CHCHD3: variants seen among roughly 807,000 people sequenced by gnomAD.
The protein encoded by CHCHD3 is MICOS complex subunit MIC19.
In CHCHD3, 20 loss-of-function variants were observed where a neutral mutation model predicts 38.2. The observed-to-expected ratio is 0.52, with a 90% CI of 0.37 to 0.76. The LOEUF (loss-of-function observed/expected upper bound fraction) is 0.76, where lower values mean the gene tolerates loss of function less well. Ranked by LOEUF, CHCHD3 falls within the 30% of genes least tolerant of loss-of-function variation. The probability of loss-of-function intolerance (pLI) is 0.00; values close to 1 mark genes in which losing one functional copy is unlikely to be tolerated. For missense variants in CHCHD3, 245 were observed against 279.2 expected (o/e 0.88, Z 0.87); for synonymous variants, 82 against 100.0 (o/e 0.82, Z 1.07).
chr7:133,060,789 A>C (rs1266163376), intron 2 of CHCHD3, among the ~76,000 whole-genome samples: 1 of 152,172 alleles, frequency 6.6e-6, no homozygotes, highest in East Asian at 1.9e-4. Flanking sequence ...GGGAGCCTGT[A>C]ATCCCAGTTA....
chr7:133,009,984 C>A lies in CHCHD3; in HGVS notation c.251+14562G>T, dbSNP rs558812678. 3.3e-5 allele frequency among the ~76,000 whole-genome samples: 5 copies of A among 151,758 alleles called. No individual in the cohort carries two copies. The East Asian group carries it at 9.7e-4, about 30-fold the overall frequency. On this transcript the variant is annotated intron_variant, in intron 3 of 7. Coordinates refer to ENST00000262570, the MANE Select transcript of CHCHD3 (RefSeq NM_017812.4). ...GACCTGAAACCAAAAAAACACTGCT[C>A]CTGGAGTTATAATGCAGTCCTCATA...
At chr7:133,057,613 T>C (rs1814381078) in intron 2 of CHCHD3, among the ~76,000 whole-genome samples, 1 of 152,086 alleles carries the variant, frequency 6.6e-6, no homozygotes, top group African/African-American at 2.4e-5. Flanking sequence ...CTATAATCAA[T>C]CATGAACAAT....
chr7:133,029,303 T>A (rs1813437357), intron 2 of CHCHD3, among the ~76,000 whole-genome samples: 1 of 152,098 alleles, frequency 6.6e-6, no homozygotes, highest in African/African-American at 2.4e-5. Flanking sequence ...CACTTAAAAT[T>A]TGTTCTCTTA....
At chr7:133,025,799 T>C (rs1252422978) in intron 2 of CHCHD3, among the ~76,000 whole-genome samples, 2 of 152,210 alleles carry the variant, frequency 1.3e-5, no homozygotes, top group African/African-American at 4.8e-5. Flanking sequence ...CCACCACGCC[T>C]GGCCAGGACC....
chr7:132,994,092 T>C (rs1301237679), intron 3 of CHCHD3, among the ~76,000 whole-genome samples: 1 of 152,166 alleles, frequency 6.6e-6, no homozygotes, highest in African/African-American at 2.4e-5. Context: ...ATGGAAATAA[T>C]TTCCTTGTAC....
At chr7:133,071,026 C>T (rs935006857) in intron 1 of CHCHD3, among the ~76,000 whole-genome samples, 1 of 152,176 alleles carries the variant, frequency 6.6e-6, no homozygotes, top group Admixed American at 6.5e-5. Flanking sequence ...AATTTGCCAC[C>T]GTTAGACATC....
In CHCHD3 at chr7:132,794,239, T is replaced by C. The variant is rs549233867; in HGVS notation, c.660+2203A>G. On this transcript the variant is annotated intron_variant, in intron 7 of 7. Transcript: ENST00000262570. ...TCTGCATTAGTGGATGATGGATGGA[T>C]GCCCCTTCACAAACTTACCCACTCA... 2.3e-4 allele frequency among the ~76,000 whole-genome samples: 35 copies of C among 152,348 alleles called. No individual in the cohort carries two copies. The South Asian group carries it at 6.8e-3, about 30-fold the overall frequency.
At chr7:132,931,490 G>C (rs1170331140) in intron 4 of CHCHD3, among the ~76,000 whole-genome samples, 1 of 152,112 alleles carries the variant, frequency 6.6e-6, no homozygotes, top group Non-Finnish European at 1.5e-5. Context: ...ATCTCGTTAA[G>C]GTCACTGTAT....
At chr7:133,074,341 C>T (rs1814914475) in intron 1 of CHCHD3, among the ~76,000 whole-genome samples, 1 of 152,100 alleles carries the variant, frequency 6.6e-6, no homozygotes. Context: ...GCTGTGTGTG[C>T]TCTTTGAAGG....
intron 3 of CHCHD3, among the ~76,000 whole-genome samples, chr7:133,018,634 AAAAG>A (rs1335146634): frequency 1.3e-5 from 2 of 152,192 alleles, no homozygotes; most frequent in Non-Finnish European, 2.9e-5. Flanking sequence ...ATACTAAATT[AAAAG>A]AAAGATTTTT....
chr7:132,950,749 A>G (rs1421028335), intron 4 of CHCHD3, among the ~76,000 whole-genome samples: 1 of 152,158 alleles, frequency 6.6e-6, no homozygotes, highest in African/African-American at 2.4e-5. Flanking sequence ...ATTATGTTAT[A>G]CTCCATAGTA....
At chr7:133,078,614 G>T (rs1815073313) in intron 1 of CHCHD3, among the ~76,000 whole-genome samples, 1 of 152,312 alleles carries the variant, frequency 6.6e-6, no homozygotes, top group South Asian at 2.1e-4. Flanking sequence ...GTTTACAACG[G>T]ATTTTGCTGA....
At chr7:133,036,562 AG>A (rs1319135780) in intron 2 of CHCHD3, among the ~76,000 whole-genome samples, 1 of 152,230 alleles carries the variant, frequency 6.6e-6, no homozygotes, top group African/African-American at 2.4e-5. Context: ...TTAAATAGGT[AG>A]AAAAACAGCT....
At chr7:132,809,615 C>T (rs553182109) in intron 6 of CHCHD3, among the ~76,000 whole-genome samples, 37 of 152,078 alleles carry the variant, frequency 2.4e-4, no homozygotes, top group Admixed American at 6.6e-5. Flanking sequence ...GAAAGAGTAC[C>T]CACTGAAATT....
chr7:132,921,256 CATA>C (rs1810254807), intron 4 of CHCHD3, among the ~76,000 whole-genome samples: 1 of 152,162 alleles, frequency 6.6e-6, no homozygotes, highest in Non-Finnish European at 1.5e-5. Context: ...AAACTACACT[CATA>C]ATGATACTAT....
chr7:132,934,822 C>T (rs975580015), intron 4 of CHCHD3, among the ~76,000 whole-genome samples: 10 of 152,154 alleles, frequency 6.6e-5, no homozygotes, highest in African/African-American at 2.4e-4. Flanking sequence ...GTAGGTCTGA[C>T]AAGGGGTACA....
intron 5 of CHCHD3, among the ~76,000 whole-genome samples, chr7:132,840,122 T>C (rs370704718): frequency 6.6e-6 from 1 of 152,192 alleles, no homozygotes; most frequent in East Asian, 1.9e-4. Flanking sequence ...AAAAAACCAT[T>C]TGTCATCTCA....
At chr7:133,009,685 A>T (rs1230142492) in intron 3 of CHCHD3, among the ~76,000 whole-genome samples, 1 of 152,160 alleles carries the variant, frequency 6.6e-6, no homozygotes, top group African/African-American at 2.4e-5. Flanking sequence ...ATGAGGGCAA[A>T]AGTATATGCT....
chr7:132,971,616 G>C (rs1811613854), intron 4 of CHCHD3, among the ~76,000 whole-genome samples: 1 of 151,512 alleles, frequency 6.6e-6, no homozygotes, highest in African/African-American at 2.4e-5. Context: ...TAGTGAGCCA[G>C]AAAGATGTGG....
Sources: gnomAD v4.1 joint callset for allele counts (sites outside exome capture counted in the v4.1 genomes callset) on GRCh38, gnomAD v4.1.1 for gene constraint, MANE v1.5 for transcripts, NCBI Gene and HGNC (gene_info 2026-07-23, HGNC 2026-07-21) for gene names.